LACTB2: variants seen among roughly 807,000 people sequenced by gnomAD.
The protein encoded by LACTB2 is lactamase beta 2.
LACTB2 carries 32 observed loss-of-function variants against 34.8 expected under a neutral mutation model. That is an observed-to-expected ratio of 0.92 (90% confidence interval 0.69 to 1.24). The LOEUF is 1.24. Among genes scored for constraint, LACTB2 ranks in the 50% most tolerant of loss-of-function variants. The pLI, the probability that LACTB2 is intolerant of heterozygous loss-of-function variation, is 0.00. For synonymous variants in LACTB2, 120 were observed against 117.5 expected (o/e 1.02, Z -0.14); for missense variants, 320 against 345.0 (o/e 0.93, Z 0.57).
intron 1 of LACTB2, among the ~76,000 whole-genome samples, chr8:70,668,320 CA>C (rs1345209209): frequency 6.6e-6 from 1 of 152,138 alleles, no homozygotes; most frequent in Non-Finnish European, 1.5e-5. Flanking sequence ...TGCAGTAAAC[CA>C]AATCTCCCAT....
intron 5 of LACTB2, among the ~76,000 whole-genome samples, chr8:70,639,689 G>A (rs1331810278): frequency 5.3e-5 from 8 of 151,612 alleles, no homozygotes; most frequent in Non-Finnish European, 1.0e-4. Context: ...TGGGCCGGGC[G>A]CAGTGACTCA....
chr8:70,651,964 A>G (rs1176517237), intron 3 of LACTB2: 3 of 152,236 alleles, frequency 2.0e-5, no homozygotes, highest in African/African-American at 7.2e-5. Context: ...CTCTTAGAGA[A>G]TTCAAGACAG....
rs1254283918 is a variant in LACTB2 at position 70,640,796 on chromosome 8, G to C, written c.741+106C>G. ...CTGCTGGTCTCAAATCTAGAAAAGT[G>C]GCGTAACTTCTGATCTGGGATATAA... On this transcript the variant is annotated intron_variant, in intron 5 of 6. Transcript: ENST00000276590. 8.2e-6 allele frequency: 10 copies of C among 1,226,604 alleles called. No individual in the cohort carries two copies. The African/African-American group carries it at 1.6e-4, about 19-fold the overall frequency. 76.0% of individuals were successfully genotyped at this position (1,226,604 alleles called of 1,614,324 possible). A position where few individuals can be genotyped will look rare whatever the true frequency, so the allele number is the denominator to read the frequency against.
At chr8:70,663,550 TG>T (rs1282735918) in intron 1 of LACTB2, among the ~76,000 whole-genome samples, 1 of 152,064 alleles carries the variant, frequency 6.6e-6, no homozygotes, top group Admixed American at 6.5e-5. Flanking sequence ...GTAGTGGAAA[TG>T]TAAGGAAGAG....
rs140675697 is a variant in LACTB2 at position 70,644,198 on chromosome 8, G to C, written c.459C>G (p.Leu153=). 29 of 1,611,910 alleles carry C rather than the reference G, an allele frequency of 1.8e-5. No homozygotes were observed. The African/African-American group carries it at 3.5e-4, about 19-fold the overall frequency. Residue 153 remains leucine, a synonymous_variant, in exon 4 of 7, where the codon CTC becomes CTG. Transcript: ENST00000276590. ...AAAAGATAGCATTTTCCTCTTCTAA[G>C]AGTAGAGCCATGTGATCATCAGTGT... ...PGHTDDHMAL[L]LEEENAIFSG... is the part of the protein sequence containing the mutation.
chr8:70,640,070 C>T (rs1464370621), intron 5 of LACTB2, among the ~76,000 whole-genome samples: 1 of 152,154 alleles, frequency 6.6e-6, no homozygotes, highest in Non-Finnish European at 1.5e-5. Flanking sequence ...ATGTGATCCT[C>T]CCATCTCAAC....
At chr8:70,668,878 C>CG (rs1818580227) in intron 1 of LACTB2, 121 bp downstream of exon 1, 27 of 1,369,600 alleles carry the variant, frequency 2.0e-5, no homozygotes, top group Non-Finnish European at 2.6e-5. Context: ...CTGCTAGGCG[C>CG]GGGGCTGCCC....
Position 70,638,541 on chromosome 8 carries a change from TACTC to T in LACTB2, c.823+3_823+6del. 6.6e-7 allele frequency: 1 copy of T among 1,525,898 alleles called. No individual in the cohort carries two copies. The highest frequency in any genetic ancestry group is 8.8e-7 in the Non-Finnish European group (1 of 1,139,272). 94.5% of individuals were successfully genotyped at this position (1,525,898 alleles called of 1,614,324 possible). A position where few individuals can be genotyped will look rare whatever the true frequency, so the allele number is the denominator to read the frequency against. ...GGTAATAGAAGAAAATTTGGAAGCA[TACTC>T]ACATATTTTTCCTTCTTTTTCTAGT... On this transcript the variant is annotated splice_donor_5th_base_variant and intron_variant, in intron 6 of 6. Transcript: ENST00000276590.
At chr8:70,647,581 C>T (rs937721398) in intron 3 of LACTB2, among the ~76,000 whole-genome samples, 6 of 152,076 alleles carry the variant, frequency 3.9e-5, no homozygotes, top group Non-Finnish European at 8.8e-5. Context: ...ATAAATCTTC[C>T]CAATAATGGA....
rs1189293933 is a variant in LACTB2, at chr8:70,659,020, C to G, written c.287-1138G>C. On this transcript the variant is annotated intron_variant, in intron 2 of 6. Coordinates refer to ENST00000276590, the MANE Select transcript of LACTB2 (RefSeq NM_016027.3). ...CCAGGCCGAGCGACAGTGCGAGACT[C>G]TGTCTCAAAAAAATAAAGCATTAAA... Among the ~76,000 whole-genome samples, 5 of 151,876 alleles carry G rather than the reference C, an allele frequency of 3.3e-5. No individual in the cohort carries two copies. In the East Asian group the frequency reaches 9.7e-4, roughly 29 times the overall value.
chr8:70,662,521 T>C (rs914795721), intron 1 of LACTB2: 3 of 152,198 alleles, frequency 2.0e-5, no homozygotes, highest in Non-Finnish European at 4.4e-5. Flanking sequence ...GAAAAACATC[T>C]GAGCTATTTT....
At chr8:70,659,132 T>A (rs1474879853) in intron 2 of LACTB2, among the ~76,000 whole-genome samples, 2 of 152,106 alleles carry the variant, frequency 1.3e-5, no homozygotes, top group Non-Finnish European at 2.9e-5. Context: ...GGAGATAAAG[T>A]TGGATAGGTA....
chr8:70,646,401 C>T (rs1239238108), intron 3 of LACTB2: 1 of 152,174 alleles, frequency 6.6e-6, no homozygotes, highest in Non-Finnish European at 1.5e-5. Context: ...TATGAACAGA[C>T]ACTCTCAAAA....
chr8:70,656,752 T>C (rs1435072535), intron 3 of LACTB2, among the ~76,000 whole-genome samples: 3 of 152,228 alleles, frequency 2.0e-5, no homozygotes, highest in Non-Finnish European at 2.9e-5. Flanking sequence ...TTGTGTTGAA[T>C]TTGTAGATTG....
Position 70,642,296 on chromosome 8 carries a change from C to A in LACTB2, c.593-1246G>T, listed in dbSNP as rs1818207995. 2.6e-5 allele frequency among the ~76,000 whole-genome samples: 4 copies of A among 152,134 alleles called. No individual in the cohort carries two copies. The South Asian group carries it at 8.3e-4, about 32-fold the overall frequency. On this transcript the variant is annotated intron_variant, in intron 4 of 6. Coordinates refer to ENST00000276590, the MANE Select transcript of LACTB2 (RefSeq NM_016027.3). ...TCAGCCCGCAATCCTTTAATGTCATCATATAAATCTAAATGCCCAGCTCTA... is the reference window on the plus strand; with the variant it reads ...TCAGCCCGCAATCCTTTAATGTCATAATATAAATCTAAATGCCCAGCTCTA...
At chr8:70,659,678 C>T (rs1235304178) in intron 2 of LACTB2, among the ~76,000 whole-genome samples, 3 of 152,162 alleles carry the variant, frequency 2.0e-5, no homozygotes. Context: ...CATTACATTT[C>T]TGCTTATGAG....
At chr8:70,640,075 C>A (rs569426139) in intron 5 of LACTB2, among the ~76,000 whole-genome samples, 222 of 152,316 alleles carry the variant, frequency 1.5e-3, no homozygotes, top group Non-Finnish European at 1.5e-3. Context: ...ATCCTCCCAT[C>A]TCAACCACCC....
intron 1 of LACTB2, among the ~76,000 whole-genome samples, chr8:70,668,519 T>C (rs1316355378): frequency 1.3e-5 from 2 of 152,250 alleles, no homozygotes; most frequent in African/African-American, 4.8e-5. Flanking sequence ...AGAACCAATT[T>C]GGAAGCCAGG....
At chr8:70,666,471 A>G (rs1045548507) in intron 1 of LACTB2, among the ~76,000 whole-genome samples, 2 of 152,216 alleles carry the variant, frequency 1.3e-5, no homozygotes, top group Non-Finnish European at 2.9e-5. Context: ...TGAGACAGGG[A>G]ATCACAAACC....
Sources: gnomAD v4.1 joint callset for allele counts (sites outside exome capture counted in the v4.1 genomes callset) on GRCh38, gnomAD v4.1.1 for gene constraint, MANE v1.5 for transcripts, NCBI Gene and HGNC (gene_info 2026-07-23, HGNC 2026-07-21) for gene names.